The following CEP112 variants were observed in gnomAD, a reference collection of about 807,000 sequenced individuals.
The protein encoded by CEP112 is centrosomal protein 112.
Under a neutral mutation model 153.0 loss-of-function variants are expected in CEP112, and 127 were observed. The observed-to-expected ratio is 0.83, with a 90% CI of 0.72 to 0.96. The LOEUF is 0.96. Ranked by LOEUF, CEP112 falls within the 40% of genes least tolerant of loss-of-function variation. CEP112 has a pLI of 0.00. For synonymous variants in CEP112, 358 were observed against 374.4 expected (o/e 0.96, Z 0.51); for missense variants, 1,089 against 1,101.2 (o/e 0.99, Z 0.16).
At chr17:66,022,417 G>A (rs1001828657) in intron 16 of CEP112, among the ~76,000 whole-genome samples, 5 of 152,056 alleles carry the variant, frequency 3.3e-5, no homozygotes, top group African/African-American at 9.7e-5. Flanking sequence ...TTTTTGAAAT[G>A]CTAGATAAAG....
At chr17:65,703,521 A>C (rs2144620782) in intron 23 of CEP112, among the ~76,000 whole-genome samples, 1 of 42,262 alleles carries the variant, frequency 2.4e-5, no homozygotes, top group East Asian at 1.1e-3. Context: ...AAAAAAAAGA[A>C]GGAAAAAAAA....
intron 10 of CEP112, among the ~76,000 whole-genome samples, chr17:66,065,246 T>C (rs2067070351): frequency 1.3e-5 from 2 of 152,216 alleles, no homozygotes; most frequent in Admixed American, 6.5e-5. Flanking sequence ...CATCTCTGAG[T>C]TGGCAGGGAC....
intron 21 of CEP112, among the ~76,000 whole-genome samples, chr17:65,816,587 T>C (rs1009721448): frequency 2.0e-5 from 3 of 152,052 alleles, no homozygotes; most frequent in Non-Finnish European, 4.4e-5. Context: ...AGTCTTAATA[T>C]AGTGAATTAC....
intron 22 of CEP112, among the ~76,000 whole-genome samples, chr17:65,748,016 G>A (rs2051580089): frequency 6.6e-6 from 1 of 152,088 alleles, no homozygotes; most frequent in Admixed American, 6.5e-5. Flanking sequence ...TCAGCCTAAT[G>A]AGATATGAGT....
chr17:65,914,868 T>G (rs1483433598), intron 19 of CEP112, among the ~76,000 whole-genome samples: 1 of 152,228 alleles, frequency 6.6e-6, no homozygotes, highest in Non-Finnish European at 1.5e-5. Context: ...CAACGCATTG[T>G]CTGTCCACCC....
chr17:65,804,330 C>G (rs920864082), intron 21 of CEP112: 3 of 152,008 alleles, frequency 2.0e-5, no homozygotes, highest in African/African-American at 7.2e-5. Flanking sequence ...AAGCTCTTTT[C>G]AAAAGAACAA....
intron 16 of CEP112, among the ~76,000 whole-genome samples, chr17:66,018,041 T>A (rs2064846895): frequency 6.6e-6 from 1 of 151,892 alleles, no homozygotes; most frequent in African/African-American, 2.4e-5. Context: ...AAAAGAAAAT[T>A]AAAGAACAAA....
At chr17:65,793,833 T>C (rs943089276) in intron 21 of CEP112, among the ~76,000 whole-genome samples, 12 of 152,230 alleles carry the variant, frequency 7.9e-5, no homozygotes, top group Non-Finnish European at 1.8e-4. Context: ...ATAATCTTTG[T>C]TGTACAATAA....
At chr17:66,163,460 T>A (rs1212704804) in intron 4 of CEP112, among the ~76,000 whole-genome samples, 1 of 151,736 alleles carries the variant, frequency 6.6e-6, no homozygotes, top group Non-Finnish European at 1.5e-5. Flanking sequence ...CAATTAATAA[T>A]CCAGTAAAGT....
intron 23 of CEP112, among the ~76,000 whole-genome samples, chr17:65,709,831 C>T (rs1032773582): frequency 6.6e-6 from 1 of 152,188 alleles, no homozygotes; most frequent in Non-Finnish European, 1.5e-5. Flanking sequence ...TTTTCTTCCA[C>T]TGATCTTTCT....
intron 23 of CEP112, among the ~76,000 whole-genome samples, chr17:65,712,896 T>G (rs575117384): frequency 1.3e-5 from 2 of 152,198 alleles, no homozygotes; most frequent in African/African-American, 4.8e-5. Flanking sequence ...TAATGAGGCT[T>G]GCATTCATGC....
In CEP112 at chr17:66,188,584, GT is replaced by G. The variant is rs56059206; in HGVS notation, c.-9+3412del. ...ATCTGTGTACAGCATTTATCATGCT[GT>G]TTTTTTTTTTTTTTACACATCTGTG... On this transcript the variant is annotated intron_variant, in intron 1 of 26. Coordinates refer to ENST00000535342, the MANE Select transcript of CEP112 (RefSeq NM_001199165.4). Among the ~76,000 whole-genome samples the G allele has an allele frequency of 8.3e-3, 1,235 of 147,942 alleles. 13 individuals are homozygous for G. Among genetic ancestry groups the G allele is most frequent in the African/African-American group, 0.024 (955 of 39,968 alleles).
At chr17:66,054,246 T>C (rs1011537229) in intron 11 of CEP112, among the ~76,000 whole-genome samples, 1 of 152,196 alleles carries the variant, frequency 6.6e-6, no homozygotes, top group Non-Finnish European at 1.5e-5. Context: ...TAATTAGGAA[T>C]ATTGTCCCAT....
At chr17:66,043,102 C>G in intron 12 of CEP112, 1 of 980,576 alleles carries the variant, frequency 1.0e-6, no homozygotes, top group Non-Finnish European at 1.2e-6. Context: ...CTACCTTAAC[C>G]TACCATAGAG....
rs1043440288 is a variant in CEP112 at position 65,902,339 on chromosome 17, T to C, written c.1981-5A>G. 1.9e-6 allele frequency: 3 copies of C among 1,611,248 alleles called. No homozygotes were observed. The highest frequency in any genetic ancestry group is 2.5e-6 in the Non-Finnish European group (3 of 1,178,920). On this transcript the variant is annotated splice_polypyrimidine_tract_variant and splice_region_variant and intron_variant, in intron 19 of 26. Transcript: ENST00000535342. Reference sequence around the variant, plus strand: ...CTCCAGCTTCAGCTCTACTATCTGATTGGACAATGAGGAGGACAGTTCATC... The same window carrying C: ...CTCCAGCTTCAGCTCTACTATCTGACTGGACAATGAGGAGGACAGTTCATC...
At chr17:66,001,751 T>C (rs947967950) in intron 17 of CEP112, among the ~76,000 whole-genome samples, 1 of 152,208 alleles carries the variant, frequency 6.6e-6, no homozygotes, top group Non-Finnish European at 1.5e-5. Flanking sequence ...AAACTTATAC[T>C]ATCCACATTT....
chr17:65,701,242 A>G (rs2048617973), intron 23 of CEP112, among the ~76,000 whole-genome samples: 1 of 152,172 alleles, frequency 6.6e-6, no homozygotes, highest in South Asian at 2.1e-4. Flanking sequence ...TCATGCAACG[A>G]ATGTGCCAGG....
chr17:65,791,758 C>A (rs973404684), intron 21 of CEP112, among the ~76,000 whole-genome samples: 5 of 151,952 alleles, frequency 3.3e-5, no homozygotes, highest in Non-Finnish European at 5.9e-5. Flanking sequence ...GCAGTAAAAA[C>A]CAAAGAGCTC....
chr17:66,154,315 G>A (rs1384774966), intron 4 of CEP112, among the ~76,000 whole-genome samples: 3 of 152,056 alleles, frequency 2.0e-5, no homozygotes, highest in Non-Finnish European at 1.5e-5. Context: ...AAGAGTTCAA[G>A]ACTAGCCTGG....
Sources: allele counts gnomAD v4.1 joint callset (sites outside exome capture counted in the v4.1 genomes callset), GRCh38; gene constraint gnomAD v4.1.1; transcripts MANE v1.5; gene names NCBI Gene and HGNC (gene_info 2026-07-23, HGNC 2026-07-21).